ATP7A: variants seen among roughly 807,000 people sequenced by gnomAD.
ATP7A encodes the protein ATPase copper transporting alpha.
A neutral mutation model predicts 83.5 loss-of-function variants in ATP7A; 7 were observed. The observed-to-expected ratio is 0.08, with a 90% CI of 0.05 to 0.16. ATP7A has a LOEUF of 0.16. Among genes scored for constraint, ATP7A ranks in the 10% least tolerant of loss-of-function variants. The probability of loss-of-function intolerance (pLI) is 1.00; values close to 1 mark genes in which losing one functional copy is unlikely to be tolerated. For missense variants in ATP7A, 940 were observed against 1,120.8 expected (o/e 0.84, Z 2.30); for synonymous variants, 354 against 395.2 (o/e 0.90, Z 1.24).
In ATP7A at chrX:78,046,964, A is replaced by C; in HGVS notation, c.*394A>C. 6.2e-6 allele frequency: 1 copy of C among 162,384 alleles called. No homozygotes were observed. Among genetic ancestry groups the C allele is most frequent in the Non-Finnish European group, 1.2e-5 (1 of 85,706 alleles). 13.4% of individuals were successfully genotyped at this position (162,384 alleles called of 1,213,427 possible). On this transcript the variant is annotated 3_prime_UTR_variant, in exon 23 of 23. Transcript: ENST00000341514. ...AGCATGAAGATATTCATGCTTTTGA[A>C]CTCAAAATATTGAAGATACTCTCAA...
chrX:77,969,365 A>C, intron 1 of ATP7A: 1 of 1,210,266 alleles, frequency 8.3e-7, no homozygotes, highest in East Asian at 3.0e-5. Flanking sequence ...AGACCCCCAT[A>C]GTGCCGCTCA....
chrX:77,928,277 G>A lies in ATP7A; in HGVS notation c.-22+17442G>A, dbSNP rs782645195. Among the ~76,000 whole-genome samples the A allele has an allele frequency of 9.0e-5, 10 of 111,027 alleles. No individual in the cohort carries two copies. The South Asian group carries it at 3.0e-3, about 33-fold the overall frequency. Reference sequence around the variant, plus strand: ...TACCATCAGCAGTATATCATAGTTCGTTAACTCAAAACTATTTTGATATTA... The same window carrying A: ...TACCATCAGCAGTATATCATAGTTCATTAACTCAAAACTATTTTGATATTA... On this transcript the variant is annotated intron_variant, in intron 1 of 22. Transcript: ENST00000341514.
intron 1 of ATP7A, among the ~76,000 whole-genome samples, chrX:77,952,752 G>A (rs971899629): frequency 2.8e-5 from 3 of 108,791 alleles, no homozygotes; most frequent in Admixed American, 9.9e-5. Flanking sequence ...TTCTTAACAA[G>A]TTATGATAAA....
chrX:78,033,859 G>A (rs781994794), intron 17 of ATP7A, 38 bp downstream of exon 17: 6 of 1,131,144 alleles, frequency 5.3e-6, no homozygotes, highest in Non-Finnish European at 7.3e-6. Context: ...TTATGGGGCA[G>A]TTATGAACAG....
In ATP7A at chrX:77,948,080, TATTTATTTATTTATTTATTTATTC is replaced by T. The variant is rs202083831; in HGVS notation, c.-21-23537_-21-23514del. ...AAAAATATTTATTTATTTATTTATT[TATTTATTTATTTATTTATTTATTC>T]ATTCATTCATTCATTCATTCGTTCA... On this transcript the variant is annotated intron_variant, in intron 1 of 22. Transcript: ENST00000341514. Among the ~76,000 whole-genome samples, 138 of 92,217 alleles carry T rather than the reference TATTTATTTATTTATTTATTTATTC, an allele frequency of 1.5e-3. 1 individual carries two copies. In the East Asian group the frequency reaches 0.026, roughly 18 times the overall value. The allele number at this position is 92,217 out of a possible 115,157, so 80.1% of individuals were successfully genotyped here. A position where few individuals can be genotyped will look rare whatever the true frequency, so the allele number is the denominator to read the frequency against.
chrX:77,969,758 C>T, intron 1 of ATP7A: 1 of 870,182 alleles, frequency 1.1e-6, no homozygotes, highest in Non-Finnish European at 1.6e-6. Flanking sequence ...CCAGAGGAAC[C>T]ACTGTTTCCA....
At chrX:78,031,241 A>G (rs2077982073) in intron 15 of ATP7A, among the ~76,000 whole-genome samples, 159 bp from the exon 16 acceptor site, 1 of 111,736 alleles carries the variant, frequency 8.9e-6, no homozygotes, top group Non-Finnish European at 1.9e-5. Context: ...TTCTTCTTTT[A>G]TTTTCCCGAA....
intron 1 of ATP7A, among the ~76,000 whole-genome samples, chrX:77,924,881 G>A (rs941614757): frequency 1.8e-5 from 2 of 111,442 alleles, no homozygotes; most frequent in Admixed American, 1.9e-4. Context: ...GGGTAGAGAC[G>A]GGGTTTCGCC....
intron 1 of ATP7A, among the ~76,000 whole-genome samples, chrX:77,936,984 G>A (rs1381470157): frequency 1.8e-5 from 2 of 112,109 alleles, no homozygotes; most frequent in Non-Finnish European, 3.8e-5. Flanking sequence ...ACTTTTAAAA[G>A]CCTCCAAATT....
Position 77,989,226 on chromosome X carries a change from T to C in ATP7A, c.611-7T>C, listed in dbSNP as rs781898993. The C allele has an allele frequency of 4.2e-6, 5 of 1,199,141 alleles. No homozygotes were observed. The Admixed American group carries it at 1.1e-4, about 27-fold the overall frequency. The stretch of plus-strand genomic sequence containing the variant: ...CTGAATTAATTATATTTCTTTTTAT[T>C]AACTAGTCTCCCTGGACAATCAAGA... On this transcript the variant is annotated splice_polypyrimidine_tract_variant and splice_region_variant and intron_variant, in intron 3 of 22. Coordinates refer to ENST00000341514, the MANE Select transcript of ATP7A (RefSeq NM_000052.7).
intron 14 of ATP7A, among the ~76,000 whole-genome samples, chrX:78,025,094 G>A (rs782033295): frequency 9.0e-6 from 1 of 111,671 alleles, no homozygotes; most frequent in Non-Finnish European, 1.9e-5. Context: ...ACAAAAAGCA[G>A]CATCTGAGAA....
rs1261843975 is a variant in ATP7A, at chrX:78,048,927, C to G, written c.*2357C>G. On this transcript the variant is annotated 3_prime_UTR_variant, in exon 23 of 23. Transcript: ENST00000341514. ...TTATTATGTGTACCTTGGAGTCATCCTCTTGGTCTTGTATTCATATTGTGG... is the reference window on the plus strand; with the variant it reads ...TTATTATGTGTACCTTGGAGTCATCGTCTTGGTCTTGTATTCATATTGTGG... 4 of 111,704 alleles carry G rather than the reference C, an allele frequency of 3.6e-5. No individual in the cohort carries two copies. Among genetic ancestry groups the G allele is most frequent in the African/African-American group, 1.3e-4 (4 of 30,749 alleles). 9.2% of individuals were successfully genotyped at this position (111,704 alleles called of 1,213,427 possible).
intron 14 of ATP7A, among the ~76,000 whole-genome samples, chrX:78,029,021 T>A (rs1457233930): frequency 8.9e-6 from 1 of 112,284 alleles, no homozygotes; most frequent in Non-Finnish European, 1.9e-5. Context: ...ATGGAGCACT[T>A]ATATTCAGTC....
chrX:77,956,282 T>C (rs1557227331), intron 1 of ATP7A, among the ~76,000 whole-genome samples: 2 of 111,901 alleles, frequency 1.8e-5, no homozygotes, highest in Non-Finnish European at 3.8e-5. Context: ...GGTTCCCTTT[T>C]CTCCATATCA....
Position 78,042,707 on chromosome X carries a change from T to C in ATP7A, c.3924T>C (p.Ala1308=), listed in dbSNP as rs2078058108. Residue 1308 remains alanine, a synonymous_variant, in exon 20 of 23, where the codon GCT becomes GCC. Coordinates refer to ENST00000341514, the MANE Select transcript of ATP7A (RefSeq NM_000052.7). The part of the protein sequence containing the change: ...MVGDGINDSP[A]LAMANVGIAI... ...GAGATGGAATCAATGACTCCCCAGC[T>C]CTGGCAATGGCTAATGTGGGAATTG... 1 of 1,211,763 alleles carries C rather than the reference T, an allele frequency of 8.3e-7. No homozygotes were observed. The highest frequency in any genetic ancestry group is 1.1e-6 in the Non-Finnish European group (1 of 895,585).
chrX:77,959,916 A>C (rs986741047), intron 1 of ATP7A, among the ~76,000 whole-genome samples: 1 of 112,078 alleles, frequency 8.9e-6, no homozygotes, highest in African/African-American at 3.2e-5. Flanking sequence ...CAGTTTCCAT[A>C]ATTGTACTAA....
chrX:78,018,989 C>T (rs1434635776), intron 12 of ATP7A, among the ~76,000 whole-genome samples: 1 of 111,691 alleles, frequency 9.0e-6, no homozygotes, highest in South Asian at 3.7e-4. Context: ...ACTCAATCAC[C>T]TCCCTCCCTT....
At chrX:77,960,825 C>T (rs1241866715) in intron 1 of ATP7A, among the ~76,000 whole-genome samples, 1 of 111,700 alleles carries the variant, frequency 9.0e-6, no homozygotes, top group East Asian at 2.8e-4. Flanking sequence ...TTGATACTGT[C>T]GTTTCCCAGA....
chrX:77,951,333 T>A (rs574492747), intron 1 of ATP7A, among the ~76,000 whole-genome samples: 84 of 112,035 alleles, frequency 7.5e-4, no homozygotes, highest in African/African-American at 1.6e-3. Context: ...TTTCCTAGTA[T>A]TTTTTACTTT....
Sources: allele counts gnomAD v4.1 joint callset (sites outside exome capture counted in the v4.1 genomes callset), GRCh38; gene constraint gnomAD v4.1.1; transcripts MANE v1.5; gene names NCBI Gene and HGNC (gene_info 2026-07-23, HGNC 2026-07-21).